The following ATAD2B variants were observed in gnomAD, a reference collection of about 807,000 sequenced individuals.
ATAD2B encodes ATPase family AAA domain containing 2B, also known as ATPase family AAA domain-containing protein 2B.
Under a neutral mutation model 167.6 loss-of-function variants are expected in ATAD2B, and 40 were observed. The observed-to-expected ratio is 0.24, with a 90% CI of 0.19 to 0.31. ATAD2B has a LOEUF of 0.31. Ranked by LOEUF, ATAD2B falls within the 10% of genes least tolerant of loss-of-function variation. The probability of loss-of-function intolerance (pLI) is 1.00; values close to 1 mark genes in which losing one functional copy is unlikely to be tolerated. For synonymous variants in ATAD2B, 579 were observed against 596.5 expected (o/e 0.97, Z 0.43); for missense variants, 1,242 against 1,757.2 (o/e 0.71, Z 5.24).
intron 22 of ATAD2B, among the ~76,000 whole-genome samples, chr2:23,774,867 T>C (rs1678843246): frequency 6.6e-6 from 1 of 152,068 alleles, no homozygotes; most frequent in Admixed American, 6.6e-5. Context: ...GCCATTGTGC[T>C]CCAGCCTGGG....
rs1049301912 is a variant in ATAD2B, at chr2:23,895,674, A to G, written c.368+145T>C. The stretch of plus-strand genomic sequence containing the variant: ...ATATAGAAAATAAACTTACATACAA[A>G]AATTATAAAATAAGTTTAATACAAT... On this transcript the variant is annotated intron_variant, in intron 2 of 27. Coordinates refer to ENST00000238789, the MANE Select transcript of ATAD2B (RefSeq NM_017552.4). 1.3e-5 allele frequency: 7 copies of G among 521,208 alleles called. No individual in the cohort carries two copies. The Admixed American group carries it at 2.8e-4, about 21-fold the overall frequency. The allele number at this position is 521,208 out of a possible 1,614,324, so 32.3% of individuals were successfully genotyped here.
the ATAD2B span, among the ~76,000 whole-genome samples, chr2:23,736,028 A>T: frequency 6.6e-6 from 1 of 152,338 alleles, no homozygotes; most frequent in South Asian, 2.1e-4. Context: ...TCTCAAAATC[A>T]TTTGTAAAAA....
intron 27 of ATAD2B, among the ~76,000 whole-genome samples, chr2:23,752,849 C>A (rs536720241): frequency 2.0e-5 from 3 of 152,216 alleles, no homozygotes; most frequent in African/African-American, 7.2e-5. Flanking sequence ...CCATCACTAC[C>A]ACCATGAAAG....
At chr2:23,900,324 C>T (rs1342647217) in intron 1 of ATAD2B, among the ~76,000 whole-genome samples, 3 of 152,080 alleles carry the variant, frequency 2.0e-5, no homozygotes, top group African/African-American at 7.2e-5. Context: ...ACCTCGGCCC[C>T]ACAAAGCGCC....
In ATAD2B at chr2:23,818,091, CACA is replaced by C. The variant is rs1187124559; in HGVS notation, c.2267+1653_2267+1655del. On this transcript the variant is annotated intron_variant, in intron 17 of 27. Transcript: ENST00000238789. ...AAACACACATAAACACACACACACA[CACA>C]TTACACACACACACACACACACACA... 2.5e-4 allele frequency among the ~76,000 whole-genome samples: 18 copies of C among 72,138 alleles called. 1 individual carries two copies. The highest frequency in any genetic ancestry group is 5.3e-4 in the African/African-American group (9 of 17,112). The allele number at this position is 72,138 out of a possible 152,430, so 47.3% of individuals were successfully genotyped here.
rs565485552 is a variant in ATAD2B at position 23,750,351 on chromosome 2, G to A, written c.*1695C>T. ...ATTAAGCTAGAATTAGAAGGCGTTA[G>A]ATGTAAATGTAAATGCAAAGAAGCA... On this transcript the variant is annotated 3_prime_UTR_variant, in exon 28 of 28. Coordinates refer to ENST00000238789, the MANE Select transcript of ATAD2B (RefSeq NM_017552.4). The A allele has an allele frequency of 6.6e-6, 1 of 152,224 alleles. No individual in the cohort carries two copies. Among genetic ancestry groups the A allele is most frequent in the East Asian group, 1.9e-4 (1 of 5,182 alleles). 9.4% of individuals were successfully genotyped at this position (152,224 alleles called of 1,614,324 possible).
chr2:23,910,312 G>A (rs919593072), intron 1 of ATAD2B, among the ~76,000 whole-genome samples: 4 of 151,172 alleles, frequency 2.6e-5, no homozygotes, highest in African/African-American at 9.7e-5. Flanking sequence ...CTGAGTAGCT[G>A]GGATTACAAG....
intron 2 of ATAD2B, among the ~76,000 whole-genome samples, chr2:23,889,027 A>G (rs1432300267): frequency 1.3e-5 from 2 of 152,246 alleles, no homozygotes; most frequent in African/African-American, 4.8e-5. Flanking sequence ...AAAGTTCAAA[A>G]GTAAAAACTA....
intron 13 of ATAD2B, among the ~76,000 whole-genome samples, chr2:23,854,706 T>C (rs374958621): frequency 1.9e-4 from 29 of 151,880 alleles, no homozygotes; most frequent in African/African-American, 6.5e-4. Flanking sequence ...CTAACGCTAT[T>C]AATATTTTCA....
At chr2:23,682,216 G>A in the ATAD2B span, among the ~76,000 whole-genome samples, 20 of 152,074 alleles carry the variant, frequency 1.3e-4, no homozygotes, top group Admixed American at 8.5e-4. This position sits in a 1 kb window ranked among gnomAD's most constrained non-coding sequence, Gnocchi z 4.1. Flanking sequence ...CCTCTCCCTC[G>A]GAAAGACCGT....
intron 1 of ATAD2B, among the ~76,000 whole-genome samples, chr2:23,897,060 G>T (rs1437874599): frequency 6.6e-6 from 1 of 152,168 alleles, no homozygotes; most frequent in Non-Finnish European, 1.5e-5. Context: ...AACCCAGGAG[G>T]TGGAGGTTGC....
intron 22 of ATAD2B, among the ~76,000 whole-genome samples, chr2:23,770,812 A>T (rs1678214446): frequency 6.6e-6 from 1 of 152,076 alleles, no homozygotes; most frequent in African/African-American, 2.4e-5. Context: ...AGTTGTTTTG[A>T]CTCTAGGTCC....
intron 18 of ATAD2B, among the ~76,000 whole-genome samples, chr2:23,801,421 T>C (rs147627733): frequency 1.2e-3 from 188 of 152,042 alleles, no homozygotes; most frequent in African/African-American, 4.4e-3. Context: ...GTGATGCCAT[T>C]TGAGAACTAG....
chr2:23,819,965 T>A (rs2149624770), intron 16 of ATAD2B, 83 bp from the exon 17 acceptor site: 2 of 977,268 alleles, frequency 2.0e-6, no homozygotes, highest in Non-Finnish European at 2.9e-6. Context: ...AAAATTGGGT[T>A]AAAAAATCAA....
Position 23,863,606 on chromosome 2 carries a change from G to A in ATAD2B, c.1305-51C>T, listed in dbSNP as rs1694736148. On this transcript the variant is annotated intron_variant, in intron 11 of 27. Coordinates refer to ENST00000238789, the MANE Select transcript of ATAD2B (RefSeq NM_017552.4). ...TGTAAATTATATTATCATCACTGCT[G>A]ATAACCAATTTTAAAAAATGTCCCC... 21 of 1,446,332 alleles carry A rather than the reference G, an allele frequency of 1.5e-5. 2 individuals carry two copies. In the South Asian group the frequency reaches 2.9e-4, roughly 20 times the overall value. The allele number at this position is 1,446,332 out of a possible 1,614,324, so 89.6% of individuals were successfully genotyped here. A position where few individuals can be genotyped will look rare whatever the true frequency, so the allele number is the denominator to read the frequency against.
chr2:23,890,312 C>A (rs1164405065), intron 2 of ATAD2B, among the ~76,000 whole-genome samples: 1 of 151,942 alleles, frequency 6.6e-6, no homozygotes, highest in East Asian at 1.9e-4. Context: ...CAACAAAAAT[C>A]TAGCCCCCCC....
intron 15 of ATAD2B, 30 bp from the exon 16 acceptor site, chr2:23,823,599 G>A (rs780860245): frequency 1.3e-6 from 2 of 1,583,014 alleles, no homozygotes; most frequent in Non-Finnish European, 1.7e-6. Context: ...GGATAGCAAA[G>A]GTACATTCAT....
At chr2:23,858,478 C>A (rs1558670528) in intron 12 of ATAD2B, among the ~76,000 whole-genome samples, 1 of 147,520 alleles carries the variant, frequency 6.8e-6, no homozygotes, top group African/African-American at 2.5e-5. Context: ...ATACTTAAGA[C>A]CTGTCTCATT....
the ATAD2B span, among the ~76,000 whole-genome samples, chr2:23,688,324 C>T: frequency 2.0e-5 from 3 of 152,206 alleles, no homozygotes; most frequent in Non-Finnish European, 2.9e-5. Flanking sequence ...GTACCAGCCA[C>T]CTGCCCCATG....
Sources: allele counts gnomAD v4.1 joint callset (sites outside exome capture counted in the v4.1 genomes callset), GRCh38; gene constraint gnomAD v4.1.1; non-coding constraint Gnocchi (gnomAD v3.1); transcripts MANE v1.5; gene names NCBI Gene and HGNC (gene_info 2026-07-23, HGNC 2026-07-21).